The following RBFOX1 variants were observed in gnomAD, a reference collection of about 807,000 sequenced individuals.
RBFOX1 encodes RNA binding fox-1 homolog 1.
Under a neutral mutation model 57.7 loss-of-function variants are expected in RBFOX1, and 8 were observed. The ratio of observed to expected loss-of-function variants is 0.14; its 90% CI spans 0.08 to 0.25. The LOEUF is 0.25. RBFOX1 is among the 10% of genes least tolerant of loss of function. The probability of loss-of-function intolerance (pLI) is 1.00; values close to 1 mark genes in which losing one functional copy is unlikely to be tolerated. For synonymous variants in RBFOX1, 326 were observed against 222.4 expected, an observed-to-expected ratio of 1.47 and a Z score of -4.15; for missense variants, 611 against 548.5, an observed-to-expected ratio of 1.11 and a Z score of -1.14.
chr16:5,837,187 C>G (rs937301141), intron 3 of RBFOX1, among the ~76,000 whole-genome samples: 1 of 152,032 alleles, frequency 6.6e-6, no homozygotes, highest in African/African-American at 2.4e-5. Flanking sequence ...TTCCCACCTC[C>G]TCTCCTCCTC....
At position 6,487,687 on chromosome 16, in the gene RBFOX1, AAAAAAAAAAAAAAATATATATATATAT is replaced by A. The variant is rs1303444737; in HGVS notation, c.-63-166914_-63-166888del. 3.1e-3 allele frequency among the ~76,000 whole-genome samples: 62 copies of A among 19,804 alleles called. 2 individuals carry two copies. The highest frequency in any genetic ancestry group is 9.4e-3 in the African/African-American group (60 of 6,356). 13.0% of individuals were successfully genotyped at this position (19,804 alleles called of 152,430 possible). On this transcript the variant is annotated intron_variant, in intron 2 of 15. Coordinates refer to ENST00000550418, the MANE Select transcript of RBFOX1 (RefSeq NM_018723.4). ...AGTGATATATGTAAAAAAAAAAAAAAAAAAAAAAAAAAAATATATATATATATATATATATATATATATATATATATA... is the reference window on the plus strand; with the variant it reads ...AGTGATATATGTAAAAAAAAAAAAAAATATATATATATATATATATATATA...
At chr16:6,733,493 T>G (rs2069204392) in intron 3 of RBFOX1, among the ~76,000 whole-genome samples, 1 of 152,210 alleles carries the variant, frequency 6.6e-6, no homozygotes, top group Non-Finnish European at 1.5e-5. Flanking sequence ...ATAGCAGAAT[T>G]TGCTAGGTCA....
chr16:6,742,396 A>G (rs1026631973), intron 3 of RBFOX1, among the ~76,000 whole-genome samples: 1 of 152,218 alleles, frequency 6.6e-6, no homozygotes, highest in African/African-American at 2.4e-5. Flanking sequence ...ATGCAAAATG[A>G]CACAACTCTT....
intron 2 of RBFOX1, among the ~76,000 whole-genome samples, chr16:6,367,550 G>C (rs547918940): frequency 6.6e-6 from 1 of 152,074 alleles, no homozygotes. Flanking sequence ...GATTACAGGC[G>C]TGAGCCAATG....
intron 1 of RBFOX1, among the ~76,000 whole-genome samples, chr16:5,296,094 C>T (rs1390797188): frequency 2.0e-5 from 3 of 152,196 alleles, no homozygotes; most frequent in Admixed American, 1.3e-4. Context: ...CTGAGCTTCT[C>T]CTGTGTTGTT....
At chr16:7,268,839 C>T (rs999269003) in intron 4 of RBFOX1, among the ~76,000 whole-genome samples, 2 of 151,850 alleles carry the variant, frequency 1.3e-5, no homozygotes, top group Non-Finnish European at 2.9e-5. Context: ...GAGTTCGATA[C>T]CAGTTTCACC....
chr16:6,482,155 A>G (rs1297626950), intron 2 of RBFOX1, among the ~76,000 whole-genome samples: 1 of 152,254 alleles, frequency 6.6e-6, no homozygotes, highest in Admixed American at 6.5e-5. Flanking sequence ...AAAGTATCCA[A>G]GAAGGACACA....
intron 3 of RBFOX1, among the ~76,000 whole-genome samples, chr16:6,916,565 C>G (rs932362261): frequency 6.6e-6 from 1 of 151,826 alleles, no homozygotes; most frequent in African/African-American, 2.4e-5. Flanking sequence ...TAAGAAATCC[C>G]ATAAATCATC....
At chr16:7,672,094 A>T (rs910112136) in intron 13 of RBFOX1, among the ~76,000 whole-genome samples, 3 of 152,222 alleles carry the variant, frequency 2.0e-5, no homozygotes, top group African/African-American at 7.2e-5. Flanking sequence ...CATACCTGAC[A>T]TCTAACATAA....
At chr16:6,405,968 G>C (rs1316495336) in intron 2 of RBFOX1, among the ~76,000 whole-genome samples, 1 of 152,158 alleles carries the variant, frequency 6.6e-6, no homozygotes, top group African/African-American at 2.4e-5. Context: ...TCCTACCTTG[G>C]ATGCTCACAT....
chr16:7,002,924 G>A (rs55729325), intron 3 of RBFOX1, among the ~76,000 whole-genome samples: 1 of 151,824 alleles, frequency 6.6e-6, no homozygotes, highest in South Asian at 2.1e-4. Flanking sequence ...AGAAACTTAG[G>A]AAGTTAGAAA....
At chr16:7,486,753 A>G (rs2151395809) in intron 4 of RBFOX1, among the ~76,000 whole-genome samples, 1 of 152,284 alleles carries the variant, frequency 6.6e-6, no homozygotes, top group African/African-American at 2.4e-5. Flanking sequence ...GGGAATAGAC[A>G]GAGATCCAGG....
rs1452646475 is a variant in RBFOX1, at chr16:7,660,322, G to A, written c.891-4607G>A. Among the ~76,000 whole-genome samples, 5 of 152,266 alleles carry A rather than the reference G, an allele frequency of 3.3e-5. No individual in the cohort carries two copies. In the East Asian group the frequency reaches 7.7e-4, roughly 24 times the overall value. ...ACAAACAATACAAGTACCTTTGCAT[G>A]GCTAGACGGACCATCTCTGCATTGA... On this transcript the variant is annotated intron_variant, in intron 12 of 15. Transcript: ENST00000550418.
At chr16:6,142,142 C>T (rs562347882) in intron 1 of RBFOX1, among the ~76,000 whole-genome samples, 91 of 123,338 alleles carry the variant, frequency 7.4e-4, no homozygotes, top group Admixed American at 1.6e-3. Context: ...TCTAAAAAAT[C>T]AGCTTTTCTA....
At chr16:5,680,186 A>G (rs78215768) in intron 3 of RBFOX1, among the ~76,000 whole-genome samples, 1,690 of 152,286 alleles carry the variant, frequency 0.011, 31 homozygotes, top group African/African-American at 0.038. Context: ...CTGTGCTTGC[A>G]GGGGCATTGC....
intron 4 of RBFOX1, among the ~76,000 whole-genome samples, chr16:7,160,151 A>G (rs2077998862): frequency 6.6e-6 from 1 of 152,032 alleles, no homozygotes; most frequent in Admixed American, 6.6e-5. Context: ...TTTCAAAGGA[A>G]TTCTGAGGAT....
intron 1 of RBFOX1, among the ~76,000 whole-genome samples, chr16:5,458,181 A>G (rs1299278914): frequency 6.6e-6 from 1 of 152,252 alleles, no homozygotes; most frequent in Non-Finnish European, 1.5e-5. Context: ...AATATATATT[A>G]CATTTTAAAA....
chr16:6,351,653 C>G, intron 2 of RBFOX1, among the ~76,000 whole-genome samples: 1 of 151,954 alleles, frequency 6.6e-6, no homozygotes. Flanking sequence ...GGATTACAGG[C>G]ATAAGCCACC....
At chr16:6,147,499 C>G (rs1008422310) in intron 1 of RBFOX1, among the ~76,000 whole-genome samples, 2 of 152,148 alleles carry the variant, frequency 1.3e-5, no homozygotes, top group Non-Finnish European at 2.9e-5. Context: ...GGCTGTGTGT[C>G]CACCTCTACA....
Sources: gnomAD v4.1 joint callset for allele counts (sites outside exome capture counted in the v4.1 genomes callset) on GRCh38, gnomAD v4.1.1 for gene constraint, MANE v1.5 for transcripts, NCBI Gene and HGNC (gene_info 2026-07-23, HGNC 2026-07-21) for gene names.